The following ARFGEF1 variants were observed in gnomAD, a reference collection of about 807,000 sequenced individuals.
ARFGEF1 encodes brefeldin A-inhibited guanine nucleotide-exchange protein 1.
A neutral mutation model predicts 231.0 loss-of-function variants in ARFGEF1; 42 were observed. The observed-to-expected ratio is 0.18, with a 90% CI of 0.14 to 0.24. The LOEUF (loss-of-function observed/expected upper bound fraction) is 0.24, where lower values mean the gene tolerates loss of function less well. ARFGEF1 is among the 10% of genes least tolerant of loss of function. ARFGEF1 has a pLI of 1.00. For missense variants in ARFGEF1, 1,345 were observed against 2,192.0 expected (o/e 0.61, Z 7.72); for synonymous variants, 710 against 732.3 (o/e 0.97, Z 0.49).
chr8:67,203,684 T>C (rs775225963), intron 35 of ARFGEF1, among the ~76,000 whole-genome samples: 1 of 152,272 alleles, frequency 6.6e-6, no homozygotes, highest in Non-Finnish European at 1.5e-5. Flanking sequence ...TTGGCAGACC[T>C]TGGCCTAGGC....
chr8:67,185,578 A>T (rs1834346948), intron 5 of ARFGEF1, among the ~76,000 whole-genome samples: 1 of 152,218 alleles, frequency 6.6e-6, no homozygotes, highest in Non-Finnish European at 1.5e-5. Context: ...GCCAGTGCAT[A>T]TTAGTTGACA....
chr8:67,266,389 G>C (rs1391710885), intron 13 of ARFGEF1, among the ~76,000 whole-genome samples, 182 bp from the exon 14 acceptor site: 1 of 152,152 alleles, frequency 6.6e-6, no homozygotes, highest in Non-Finnish European at 1.5e-5. Context: ...ACTGTAATTT[G>C]TACGTGTATA....
intron 1 of ARFGEF1, among the ~76,000 whole-genome samples, chr8:67,324,250 C>T (rs984850030): frequency 3.9e-5 from 6 of 152,144 alleles, no homozygotes; most frequent in African/African-American, 1.2e-4. Flanking sequence ...GGCGGGATCG[C>T]GCCACTGCAC....
At chr8:67,191,260 C>A (rs150020469) in intron 5 of ARFGEF1, among the ~76,000 whole-genome samples, 6 of 152,304 alleles carry the variant, frequency 3.9e-5, no homozygotes, top group African/African-American at 1.4e-4. Context: ...AGCAATGTCA[C>A]CTCCTTGTTG....
At chr8:67,306,136 G>C (rs533936561) in intron 1 of ARFGEF1, among the ~76,000 whole-genome samples, 2 of 152,184 alleles carry the variant, frequency 1.3e-5, no homozygotes, top group Non-Finnish European at 2.9e-5. Flanking sequence ...TGAATTGCCA[G>C]CATCACCACT....
At chr8:67,240,323 G>T in intron 19 of ARFGEF1, 33 bp from the exon 20 acceptor site, 1 of 1,547,522 alleles carries the variant, frequency 6.5e-7, no homozygotes, top group Non-Finnish European at 8.7e-7. Context: ...TTTAATTAAA[G>T]ATTATGATAA....
At chr8:67,255,906 T>A (rs1237631460) in intron 17 of ARFGEF1, among the ~76,000 whole-genome samples, 1 of 152,248 alleles carries the variant, frequency 6.6e-6, no homozygotes, top group Non-Finnish European at 1.5e-5. Context: ...ACAGTCTAGG[T>A]ACTTATGAAA....
Position 67,304,102 on chromosome 8 carries a change from T to C in ARFGEF1, c.125-1636A>G, listed in dbSNP as rs370458330. Among the ~76,000 whole-genome samples, 212 of 152,346 alleles carry C rather than the reference T, an allele frequency of 1.4e-3. 2 individuals carry two copies. Among genetic ancestry groups the C allele is most frequent in the African/African-American group, 4.7e-3 (196 of 41,582 alleles). ...GAGAAACTGAACAAACTGTGCTAAA[T>C]TGGGGTATGATAAACAACTACTGGC... On this transcript the variant is annotated intron_variant, in intron 1 of 38. Transcript: ENST00000262215.
At chr8:67,298,912 C>T (rs912084577) in intron 4 of ARFGEF1, among the ~76,000 whole-genome samples, 4 of 152,076 alleles carry the variant, frequency 2.6e-5, no homozygotes, top group African/African-American at 4.8e-5. Flanking sequence ...ACTACAGGTG[C>T]CCACCATCAT....
At chr8:67,309,337 G>C (rs969160071) in intron 1 of ARFGEF1, among the ~76,000 whole-genome samples, 9 of 152,212 alleles carry the variant, frequency 5.9e-5, no homozygotes, top group Non-Finnish European at 1.3e-4. Context: ...AAGCTTTAGT[G>C]ATCTGTTACA....
intron 14 of ARFGEF1, among the ~76,000 whole-genome samples, chr8:67,262,509 C>T (rs1475752013): frequency 6.6e-6 from 1 of 152,128 alleles, no homozygotes; most frequent in Non-Finnish European, 1.5e-5. Context: ...AAAATTGCAG[C>T]AAAGTTTGAG....
chr8:67,253,667 G>T lies in ARFGEF1; in HGVS notation c.2527-45C>A, dbSNP rs535421739. On this transcript the variant is annotated intron_variant, in intron 17 of 38. Coordinates refer to ENST00000262215, the MANE Select transcript of ARFGEF1 (RefSeq NM_006421.5). ...ATAATTCCTAAAAATTAACATAAAGGTTACACTTGTATTTTAAGGATATGA... is the reference window on the plus strand; with the variant it reads ...ATAATTCCTAAAAATTAACATAAAGTTTACACTTGTATTTTAAGGATATGA... 15 of 1,070,752 alleles carry T rather than the reference G, an allele frequency of 1.4e-5. No homozygotes were observed. In the South Asian group the frequency reaches 2.0e-4, roughly 14 times the overall value. 66.3% of individuals were successfully genotyped at this position (1,070,752 alleles called of 1,614,324 possible). A position where few individuals can be genotyped will look rare whatever the true frequency, so the allele number is the denominator to read the frequency against.
rs556892786 is a variant in ARFGEF1, at chr8:67,189,319, C to G, written c.560+11077G>C. 2.7e-4 allele frequency among the ~76,000 whole-genome samples: 41 copies of G among 152,312 alleles called. 1 individual carries two copies. The South Asian group carries it at 7.9e-3, about 29-fold the overall frequency. ...CCATAAAGAAACTGGCACACAGATA[C>G]TTATAGCACCTTTATTCATAATTGC... On this transcript the variant is annotated intron_variant, in intron 5 of 5. Coordinates refer to the ARFGEF1 transcript ENST00000518789.
At chr8:67,311,289 G>A (rs1338577633) in intron 1 of ARFGEF1, among the ~76,000 whole-genome samples, 51 of 134,920 alleles carry the variant, frequency 3.8e-4, no homozygotes, top group Admixed American at 3.4e-3. Flanking sequence ...AGGGAGGTGG[G>A]GGGGGTCAGC....
intron 23 of ARFGEF1, 71 bp from the exon 24 acceptor site, chr8:67,228,335 C>T: frequency 7.1e-7 from 1 of 1,402,940 alleles, no homozygotes; most frequent in South Asian, 1.3e-5. Context: ...AAGTATGTGG[C>T]ATGGGGTACT....
intron 1 of ARFGEF1, among the ~76,000 whole-genome samples, chr8:67,327,108 A>G (rs1418202181): frequency 1.3e-5 from 2 of 152,162 alleles, no homozygotes; most frequent in Non-Finnish European, 2.9e-5. Flanking sequence ...TATGACTATT[A>G]TTCAATTATC....
rs184570633 is a variant in ARFGEF1 at position 67,201,414 on chromosome 8, C to T, written c.5267+53G>A. ...TGGTCCCGCCGGTGCCTCTTTCCTG[C>T]CCGGCACCACGTGGCTACCTGGTCA... On this transcript the variant is annotated intron_variant, in intron 37 of 38. Coordinates refer to ENST00000262215, the MANE Select transcript of ARFGEF1 (RefSeq NM_006421.5). The T allele has an allele frequency of 2.1e-3, 3,320 of 1,566,572 alleles. 24 individuals carry two copies. Among genetic ancestry groups the T allele is most frequent in the South Asian group, 0.012 (1,025 of 82,922 alleles).
At chr8:67,253,821 A>C (rs950329441) in intron 17 of ARFGEF1, among the ~76,000 whole-genome samples, 199 bp from the exon 18 acceptor site, 7 of 152,214 alleles carry the variant, frequency 4.6e-5, no homozygotes, top group African/African-American at 1.7e-4. Flanking sequence ...TTCTGGCATA[A>C]ACTAATTCAT....
intron 19 of ARFGEF1, among the ~76,000 whole-genome samples, chr8:67,244,537 T>G (rs1244465356): frequency 2.7e-5 from 4 of 149,138 alleles, no homozygotes; most frequent in Non-Finnish European, 5.9e-5. Context: ...TGGGCTCAAG[T>G]GATCTGCCCA....
Sources: gnomAD v4.1 joint callset for allele counts (sites outside exome capture counted in the v4.1 genomes callset) on GRCh38, gnomAD v4.1.1 for gene constraint, MANE v1.5 for transcripts, NCBI Gene and HGNC (gene_info 2026-07-23, HGNC 2026-07-21) for gene names.